KCND3: variants seen among roughly 807,000 people sequenced by gnomAD.
The protein encoded by KCND3 is A-type voltage-gated potassium channel KCND3.
A neutral mutation model predicts 51.1 loss-of-function variants in KCND3; 9 were observed. The ratio of observed to expected loss-of-function variants is 0.18; its 90% CI spans 0.11 to 0.31. The LOEUF (loss-of-function observed/expected upper bound fraction) is 0.31. Ranked by LOEUF, KCND3 falls within the 10% of genes least tolerant of loss-of-function variation. The pLI is 1.00. For synonymous variants in KCND3, 349 were observed against 368.0 expected (o/e 0.95, Z 0.59); for missense variants, 526 against 903.8 (o/e 0.58, Z 5.36).
intron 3 of KCND3, 134 bp downstream of exon 3, chr1:111,786,810 C>G (rs1234930876): frequency 1.9e-6 from 2 of 1,054,190 alleles, no homozygotes. Context: ...CAGGAAGGGA[C>G]TGAAGCTACC....
intron 2 of KCND3, among the ~76,000 whole-genome samples, chr1:111,796,709 G>A (rs909579735): frequency 3.3e-5 from 5 of 152,156 alleles, no homozygotes; most frequent in Admixed American, 2.0e-4. Context: ...TTACAAACCT[G>A]CACTTGTACC....
At chr1:111,859,426 G>C (rs180934459) in intron 2 of KCND3, among the ~76,000 whole-genome samples, 7 of 152,350 alleles carry the variant, frequency 4.6e-5, no homozygotes, top group African/African-American at 1.7e-4. Flanking sequence ...AGCCCTGCAA[G>C]TGTGGTACTT....
chr1:111,913,737 ATC>A (rs1269075941), intron 2 of KCND3, among the ~76,000 whole-genome samples: 1 of 152,158 alleles, frequency 6.6e-6, no homozygotes, highest in Non-Finnish European at 1.5e-5. Flanking sequence ...GGGGGACCTC[ATC>A]TCTAAAATAA....
At chr1:111,876,648 T>G (rs573115655) in intron 2 of KCND3, among the ~76,000 whole-genome samples, 3 of 152,172 alleles carry the variant, frequency 2.0e-5, no homozygotes, top group African/African-American at 7.2e-5. Context: ...CAAAGAAAAG[T>G]GACTTTTGAA....
chr1:111,789,980 C>T (rs559734217), intron 2 of KCND3, among the ~76,000 whole-genome samples: 11 of 152,328 alleles, frequency 7.2e-5, no homozygotes, highest in African/African-American at 1.9e-4. Context: ...AACTATGGTC[C>T]TATGCCAGCA....
chr1:111,955,771 C>T (rs1673302845), intron 2 of KCND3, among the ~76,000 whole-genome samples: 1 of 152,154 alleles, frequency 6.6e-6, no homozygotes, highest in African/African-American at 2.4e-5. Flanking sequence ...ATGAAACAGC[C>T]AACATTGCGT....
intron 2 of KCND3, among the ~76,000 whole-genome samples, chr1:111,870,692 G>T (rs1209054879): frequency 6.7e-6 from 1 of 149,638 alleles, no homozygotes; most frequent in Non-Finnish European, 1.5e-5. Context: ...TCTTGTTGAA[G>T]ATGGTACATG....
At chr1:111,810,071 G>C (rs551698323) in intron 2 of KCND3, among the ~76,000 whole-genome samples, 10 of 152,240 alleles carry the variant, frequency 6.6e-5, no homozygotes, top group Non-Finnish European at 1.3e-4. Flanking sequence ...TGCATGACCA[G>C]CTCCAGCTCT....
chr1:111,940,095 T>C (rs1453901389), intron 2 of KCND3, among the ~76,000 whole-genome samples: 2 of 136,260 alleles, frequency 1.5e-5, no homozygotes. Flanking sequence ...TTTTTTTTTT[T>C]TGTAAGTTCC....
chr1:111,850,657 G>A (rs1400246614), intron 2 of KCND3, among the ~76,000 whole-genome samples: 8 of 152,184 alleles, frequency 5.3e-5, no homozygotes, highest in African/African-American at 1.7e-4. Flanking sequence ...TGGCTGGTCC[G>A]GCCACTGGCC....
intron 2 of KCND3, among the ~76,000 whole-genome samples, chr1:111,940,485 T>C (rs906265198): frequency 6.6e-5 from 10 of 152,330 alleles, no homozygotes; most frequent in African/African-American, 2.4e-4. Context: ...AAAGAGGGAA[T>C]TCTTTCCCCA....
chr1:111,883,298 A>C (rs1669422928), intron 2 of KCND3, among the ~76,000 whole-genome samples: 1 of 152,264 alleles, frequency 6.6e-6, no homozygotes, highest in Admixed American at 6.5e-5. Context: ...GGAGGCTTAG[A>C]TAACTTAAGC....
At chr1:111,953,498 A>T (rs1673161074) in intron 2 of KCND3, among the ~76,000 whole-genome samples, 2 of 116,658 alleles carry the variant, frequency 1.7e-5, no homozygotes, top group African/African-American at 5.8e-5. Context: ...TTACTTGCAC[A>T]TTTCCAGGCA....
In KCND3 at chr1:111,822,676, A is replaced by G. The variant is rs190810816; in HGVS notation, c.1107-35570T>C. On this transcript the variant is annotated intron_variant, in intron 2 of 7. Transcript: ENST00000302127. ...ATAATGCTGCTATGAGTATGGGCAT[A>G]TGAATACCTGTTGGAGTCCTGCCTT... Among the ~76,000 whole-genome samples, 369 of 152,350 alleles carry G rather than the reference A, an allele frequency of 2.4e-3. 2 individuals are homozygous for G. Among genetic ancestry groups the G allele is most frequent in the Non-Finnish European group, 3.0e-3 (202 of 68,034 alleles).
intron 2 of KCND3, among the ~76,000 whole-genome samples, chr1:111,974,194 G>A (rs982731678): frequency 6.6e-6 from 1 of 152,202 alleles, no homozygotes; most frequent in Non-Finnish European, 1.5e-5. Context: ...GCTGGACAGA[G>A]GCTGGAGTCT....
At chr1:111,808,224 A>C (rs955716382) in intron 2 of KCND3, among the ~76,000 whole-genome samples, 1 of 152,188 alleles carries the variant, frequency 6.6e-6, no homozygotes, top group Non-Finnish European at 1.5e-5. Flanking sequence ...TTCCTCTTTC[A>C]AGTCTTAAAA....
rs553692168 is a variant in KCND3 at position 111,864,599 on chromosome 1, G to A, written c.1107-77493C>T. 2.0e-5 allele frequency among the ~76,000 whole-genome samples: 3 copies of A among 152,272 alleles called. No individual in the cohort carries two copies. In the East Asian group the frequency reaches 5.8e-4, roughly 29 times the overall value. On this transcript the variant is annotated intron_variant, in intron 2 of 7. Coordinates refer to ENST00000302127, the MANE Select transcript of KCND3 (RefSeq NM_001378969.1). ...CATGTAGCTTGAAAATATTTGCCTA[G>A]CTGTCCTCATCTGCTCCAGACCCCA...
chr1:111,935,445 A>G (rs1672174599), intron 2 of KCND3, among the ~76,000 whole-genome samples: 1 of 152,226 alleles, frequency 6.6e-6, no homozygotes, highest in African/African-American at 2.4e-5. Context: ...CTACATAAAT[A>G]AAATCCTTTT....
intron 2 of KCND3, among the ~76,000 whole-genome samples, chr1:111,809,510 A>G (rs111676585): frequency 0.082 from 12,420 of 152,012 alleles, 890 homozygotes; most frequent in African/African-American, 0.18. Context: ...GGGTTTCACC[A>G]TGTTAGCCAG....
Sources: gnomAD v4.1 joint callset for allele counts (sites outside exome capture counted in the v4.1 genomes callset) on GRCh38, gnomAD v4.1.1 for gene constraint, MANE v1.5 for transcripts, NCBI Gene and HGNC (gene_info 2026-07-23, HGNC 2026-07-21) for gene names.